Variants in MME observed in about 807,000 individuals in gnomAD.
The protein encoded by MME is neprilysin.
A neutral mutation model predicts 113.2 loss-of-function variants in MME; 98 were observed. The observed-to-expected ratio is 0.87, with a 90% CI of 0.74 to 1.02. The LOEUF is 1.02. Ranked by LOEUF, MME falls within the 50% of genes least tolerant of loss-of-function variation. The pLI is 0.00. For synonymous variants in MME, 292 were observed against 300.6 expected, an observed-to-expected ratio of 0.97 and a Z score of 0.30; for missense variants, 836 against 896.0, an observed-to-expected ratio of 0.93 and a Z score of 0.86.
intron 1 of MME, among the ~76,000 whole-genome samples, chr3:155,051,826 T>A (rs1713773252): frequency 6.6e-6 from 1 of 152,152 alleles, no homozygotes; most frequent in Non-Finnish European, 1.5e-5. Flanking sequence ...CCCAAAGTCT[T>A]AACTCATTCC....
At chr3:155,064,014 A>G (rs9873829) in intron 1 of MME, among the ~76,000 whole-genome samples, 13,494 of 151,952 alleles carry the variant, frequency 0.089, 667 homozygotes, top group South Asian at 0.14. Flanking sequence ...GAGAAGGCCC[A>G]GCATGGTGGC....
intron 1 of MME, among the ~76,000 whole-genome samples, chr3:155,042,606 G>A (rs1713365824): frequency 6.6e-6 from 1 of 151,810 alleles, no homozygotes; most frequent in African/African-American, 2.4e-5. Context: ...AGGAGGTTGT[G>A]TATTTTATTT....
chr3:155,064,910 A>C (rs983206481), intron 1 of MME, among the ~76,000 whole-genome samples: 4 of 152,148 alleles, frequency 2.6e-5, no homozygotes, highest in African/African-American at 9.7e-5. Flanking sequence ...TTGTAGGTGC[A>C]TCACTCAATC....
chr3:155,096,996 T>A (rs1716797652), intron 3 of MME, among the ~76,000 whole-genome samples: 1 of 152,176 alleles, frequency 6.6e-6, no homozygotes, highest in South Asian at 2.1e-4. Flanking sequence ...ACAATGTTTC[T>A]GTAAATAGGT....
chr3:155,107,892 G>A (rs953111564), intron 3 of MME, among the ~76,000 whole-genome samples: 1 of 152,180 alleles, frequency 6.6e-6, no homozygotes, highest in Non-Finnish European at 1.5e-5. Context: ...CACAACCATA[G>A]TGTGGAAGTG....
At chr3:155,104,233 A>G (rs1717502378) in intron 3 of MME, among the ~76,000 whole-genome samples, 1 of 152,150 alleles carries the variant, frequency 6.6e-6, no homozygotes, top group East Asian at 1.9e-4. Flanking sequence ...AATTAAATGA[A>G]AAGTTTCAGT....
chr3:155,084,963 G>A (rs1715534707), intron 2 of MME, 96 bp from the exon 3 acceptor site: 1 of 754,610 alleles, frequency 1.3e-6, no homozygotes. Context: ...TTAAGAAATT[G>A]CTTATTTAAT....
At chr3:155,039,962 A>G (rs553591861) in intron 1 of MME, among the ~76,000 whole-genome samples, 11 of 152,296 alleles carry the variant, frequency 7.2e-5, no homozygotes, top group Non-Finnish European at 1.5e-4. Flanking sequence ...TGAGCATGTA[A>G]AAAATAAAAG....
intron 2 of MME, among the ~76,000 whole-genome samples, chr3:155,084,767 G>T (rs1007894861): frequency 6.6e-6 from 1 of 152,174 alleles, no homozygotes; most frequent in Non-Finnish European, 1.5e-5. Context: ...TTAAAAAAAT[G>T]ATTACCAAGC....
intron 1 of MME, 40 bp from the exon 2 acceptor site, chr3:155,084,118 T>C (rs1413331937): frequency 1.3e-6 from 2 of 1,482,298 alleles, no homozygotes; most frequent in African/African-American, 1.4e-5. Context: ...TTCTTTTTTA[T>C]TTATTTGTTT....
At chr3:155,074,892 G>C (rs1714696203), upstream of MME, among the ~76,000 whole-genome samples, 1 of 151,998 alleles carries the variant, frequency 6.6e-6, no homozygotes, top group South Asian at 2.1e-4. Flanking sequence ...TATAATCAAT[G>C]TTTATAAATA....
intron 8 of MME, among the ~76,000 whole-genome samples, chr3:155,137,756 A>T (rs1360130850): frequency 6.6e-6 from 1 of 152,184 alleles, no homozygotes; most frequent in Non-Finnish European, 1.5e-5. Flanking sequence ...ATTCAGCGAA[A>T]AAATTAGTAT....
chr3:155,140,102 A>T, intron 9 of MME, 89 bp from the exon 10 acceptor site: 1 of 834,824 alleles, frequency 1.2e-6, no homozygotes, highest in Non-Finnish European at 1.9e-6. Flanking sequence ...ATTATGTTGT[A>T]CCTATCCTAT....
intron 22 of MME, among the ~76,000 whole-genome samples, chr3:155,177,379 T>C (rs1027181194): frequency 4.6e-5 from 7 of 152,172 alleles, no homozygotes; most frequent in African/African-American, 1.7e-4. Context: ...GGGAAGAAGG[T>C]TGCATTAATG....
rs142525590 is a variant in MME, at chr3:155,110,489, A to T, written c.197-4505A>T. ...AATACAGTAATTAATAACTTCCCAG[A>T]TGGTAGTTGAACTTGCTTTTAAATT... On this transcript the variant is annotated intron_variant, in intron 3 of 22. Transcript: ENST00000360490. Among the ~76,000 whole-genome samples, 27 of 152,350 alleles carry T rather than the reference A, an allele frequency of 1.8e-4. No homozygotes were observed. The East Asian group carries it at 5.2e-3, about 29-fold the overall frequency.
At chr3:155,121,798 G>A (rs1213880936) in intron 8 of MME, among the ~76,000 whole-genome samples, 3 of 15,612 alleles carry the variant, frequency 1.9e-4, no homozygotes, top group African/African-American at 6.0e-4. Context: ...GCTTTTTGAT[G>A]TGCTGCTGGA....
chr3:155,154,730 G>A (rs183375630), intron 16 of MME, among the ~76,000 whole-genome samples: 1 of 152,266 alleles, frequency 6.6e-6, no homozygotes, highest in Admixed American at 6.5e-5. Context: ...TTCAACTTGA[G>A]TATCAAAGGA....
At chr3:155,042,940 GTATATA>G (rs57585504) in intron 1 of MME, among the ~76,000 whole-genome samples, 1 of 53,580 alleles carries the variant, frequency 1.9e-5, no homozygotes, top group Non-Finnish European at 3.3e-5. Flanking sequence ...ATATATATAT[GTATATA>G]TATATATATA....
At position 155,116,665 on chromosome 3, in the gene MME, T is replaced by C; in HGVS notation, c.441T>C (p.Ser147=). The stretch of plus-strand genomic sequence containing the variant: ...ATTTATGTTTGTTGTTTCCAAAAGC[T>C]GCTATTGATAGCAGAGGTGGAGAAC... ...KALYRSCINE[S]AIDSRGGEPL... The change falls in exon 6 of 23, where the codon TCT becomes TCC. Residue 147 remains serine (S), a splice_region_variant and synonymous_variant. Transcript: ENST00000360490. 1 of 1,611,574 alleles carries C rather than the reference T, an allele frequency of 6.2e-7. No homozygotes were observed. The highest frequency in any genetic ancestry group is 8.5e-7 in the Non-Finnish European group (1 of 1,178,798).
Sources: allele counts gnomAD v4.1 joint callset (sites outside exome capture counted in the v4.1 genomes callset), GRCh38; gene constraint gnomAD v4.1.1; transcripts MANE v1.5; gene names NCBI Gene and HGNC (gene_info 2026-07-23, HGNC 2026-07-21).